FLOT2: variants seen among roughly 807,000 people sequenced by gnomAD.
The protein encoded by FLOT2 is flotillin 2.
In FLOT2, 35 loss-of-function variants were observed where a neutral mutation model predicts 54.9. That is an observed-to-expected ratio of 0.64 (90% CI 0.49 to 0.84). FLOT2 has a LOEUF of 0.84. FLOT2 is among the 40% of genes least tolerant of loss of function. The probability of loss-of-function intolerance (pLI) is 0.00; values close to 1 mark genes in which losing one functional copy is unlikely to be tolerated. For synonymous variants in FLOT2, 207 were observed against 228.9 expected, an observed-to-expected ratio of 0.90 and a Z score of 0.86; for missense variants, 464 against 572.1, an observed-to-expected ratio of 0.81 and a Z score of 1.93.
In FLOT2 at chr17:28,897,717, A is replaced by G; in HGVS notation, c.-143T>C. 1.6e-6 allele frequency: 1 copy of G among 635,510 alleles called. No individual in the cohort carries two copies. Among genetic ancestry groups the G allele is most frequent in the Non-Finnish European group, 2.2e-6 (1 of 446,428 alleles). The allele number at this position is 635,510 out of a possible 1,614,324, so 39.4% of individuals were successfully genotyped here. On this transcript the variant is annotated 5_prime_UTR_variant, in exon 1 of 11. Coordinates refer to ENST00000394908, the MANE Select transcript of FLOT2 (RefSeq NM_004475.3). The surrounding 1 kb of genome is among the most constrained non-coding windows in gnomAD (Gnocchi z 4.4). The stretch of plus-strand genomic sequence containing the variant: ...CTCGCCCGCGCCCCTCTGCGGTCGC[A>G]GCCCCGCCGGAAGTGTGGCGGCGGA...
chr17:28,882,251 G>C lies in FLOT2; in HGVS notation c.580-14C>G. ...GCACTCAGCTTCCTGGGGACAAAAG[G>C]GGCAGAAGGGGAAGGTGAGTGAGTA... On this transcript the variant is annotated splice_polypyrimidine_tract_variant and intron_variant, in intron 6 of 10. Transcript: ENST00000394908. This position sits in a 1 kb window ranked among gnomAD's most constrained non-coding sequence, Gnocchi z 5.6. 1 of 1,614,100 alleles carries C rather than the reference G, an allele frequency of 6.2e-7. No individual in the cohort carries two copies. Among genetic ancestry groups the C allele is most frequent in the Non-Finnish European group, 8.5e-7 (1 of 1,180,022 alleles).
chr17:28,893,640 T>C (rs183933218), intron 1 of FLOT2, among the ~76,000 whole-genome samples: 28 of 152,294 alleles, frequency 1.8e-4, no homozygotes, highest in Admixed American at 1.8e-3. Context: ...ACTCAGTACC[T>C]GTTTTAAGAA....
At chr17:28,896,333 A>T (rs1200540006) in intron 1 of FLOT2, among the ~76,000 whole-genome samples, 1 of 152,220 alleles carries the variant, frequency 6.6e-6, no homozygotes, top group South Asian at 2.1e-4. Flanking sequence ...AACAAAGTGC[A>T]GTGCAGATTC....
chr17:28,889,167 C>T, intron 1 of FLOT2, 141 bp from the exon 2 acceptor site: 1 of 674,022 alleles, frequency 1.5e-6, no homozygotes. Flanking sequence ...TGAGGTTACA[C>T]ATCAATGAGA....
chr17:28,881,291 C>T lies in FLOT2; in HGVS notation c.999G>A (p.Met333Ile), dbSNP rs750717970. ...GEAEAAVIEA[M>I]GKAEAERMKL... Reference sequence around the variant, plus strand: ...TCATCCGCTCAGCCTCTGCCTTGCCCATCGCCTCGATGACTGCCGCTTCCG... The same window carrying T: ...TCATCCGCTCAGCCTCTGCCTTGCCTATCGCCTCGATGACTGCCGCTTCCG... Residue 333 changes from methionine (M) to isoleucine (I), a missense_variant, in exon 9 of 11, where the codon ATG (methionine) becomes ATA (isoleucine). Physicochemically the swap from Met to Ile is conservative, Grantham distance 10. Transcript: ENST00000394908. 1.2e-6 allele frequency: 2 copies of T among 1,614,138 alleles called. No homozygotes were observed. The highest frequency in any genetic ancestry group is 1.7e-6 in the Non-Finnish European group (2 of 1,180,014).
chr17:28,895,931 A>G (rs933047817), intron 1 of FLOT2, among the ~76,000 whole-genome samples: 1 of 152,180 alleles, frequency 6.6e-6, no homozygotes, highest in African/African-American at 2.4e-5. Flanking sequence ...AGCAAGGCAG[A>G]CAGGTGGGGG....
chr17:28,879,705 G>C lies in FLOT2; in HGVS notation c.*856C>G, dbSNP rs959784567. 13 of 986,112 alleles carry C rather than the reference G, an allele frequency of 1.3e-5. No individual in the cohort carries two copies. The African/African-American group carries it at 2.3e-4, about 17-fold the overall frequency. 61.1% of individuals were successfully genotyped at this position (986,112 alleles called of 1,614,324 possible). A position where few individuals can be genotyped will look rare whatever the true frequency, so the allele number is the denominator to read the frequency against. On this transcript the variant is annotated 3_prime_UTR_variant, in exon 11 of 11. Coordinates refer to ENST00000394908, the MANE Select transcript of FLOT2 (RefSeq NM_004475.3). ...TCCACCAGAAGGGCCCAACACCCAG[G>C]ACAGTGCAGCCCTAGCAGGAAGAAG...
In FLOT2 at chr17:28,882,123, T is replaced by C; in HGVS notation, c.694A>G (p.Ile232Val). ...QKSAFSEEVN[I>V]KTAEAQLAYE... ...GATGTCCTCAGGCTGCTCACCTTGA[T>C]GTTAACCTCCTCACTGAAGGCTGAC... The change falls in exon 7 of 11, where the codon ATC becomes GTC. Residue 232 changes from isoleucine (I) to valine (V), a missense_variant. Transcript: ENST00000394908. This position sits in a 1 kb window ranked among gnomAD's most constrained non-coding sequence, Gnocchi z 5.6. 6.2e-7 allele frequency: 1 copy of C among 1,614,202 alleles called. No homozygotes were observed. The highest frequency in any genetic ancestry group is 8.5e-7 in the Non-Finnish European group (1 of 1,180,030).
chr17:28,897,434 G>A lies in FLOT2; in HGVS notation c.49+92C>T. The A allele has an allele frequency of 7.9e-7, 1 of 1,260,986 alleles. No homozygotes were observed. Among genetic ancestry groups the A allele is most frequent in the Non-Finnish European group, 1.1e-6 (1 of 912,690 alleles). The allele number at this position is 1,260,986 out of a possible 1,614,324, so 78.1% of individuals were successfully genotyped here. A position where few individuals can be genotyped will look rare whatever the true frequency, so the allele number is the denominator to read the frequency against. ...GGCCAGCGCCCTGCGCCGCGCGGTGGACTCAGGCCCAGCTCTTCCCCGTGC... is the reference window on the plus strand; with the variant it reads ...GGCCAGCGCCCTGCGCCGCGCGGTGAACTCAGGCCCAGCTCTTCCCCGTGC... On this transcript the variant is annotated intron_variant, in intron 1 of 10. Transcript: ENST00000394908. This position sits in a 1 kb window ranked among gnomAD's most constrained non-coding sequence, Gnocchi z 4.4.
rs2039493479 is a variant in FLOT2 at position 28,883,603 on chromosome 17, G to A, written c.223-372C>T. 6.6e-6 allele frequency among the ~76,000 whole-genome samples: 1 copy of A among 152,174 alleles called. No individual in the cohort carries two copies. The highest frequency in any genetic ancestry group is 1.5e-5 in the Non-Finnish European group (1 of 68,032). ...AGTATGAGAAGCAGAATGAGCAATA[G>A]GGACACAGACAGAGAAGGAAAGAGC... On this transcript the variant is annotated intron_variant, in intron 3 of 10. Transcript: ENST00000394908. This position sits in a 1 kb window ranked among gnomAD's most constrained non-coding sequence, Gnocchi z 5.0.
Position 28,883,359 on chromosome 17 carries a change from G to A in FLOT2, c.223-128C>T. ...TTTTTCAGACCTGGAGGCCCTGGGG[G>A]GCTGGAATCTGTCTGAAGCCTCTAG... On this transcript the variant is annotated intron_variant, in intron 3 of 10. Coordinates refer to ENST00000394908, the MANE Select transcript of FLOT2 (RefSeq NM_004475.3). The surrounding 1 kb of genome is among the most constrained non-coding windows in gnomAD (Gnocchi z 5.0). The A allele has an allele frequency of 3.4e-6, 4 of 1,171,408 alleles. No individual in the cohort carries two copies. The South Asian group carries it at 5.5e-5, about 16-fold the overall frequency. 72.6% of individuals were successfully genotyped at this position (1,171,408 alleles called of 1,614,324 possible).
At position 28,897,679 on chromosome 17, in the gene FLOT2, G is replaced by C. The variant is rs565522463; in HGVS notation, c.-105C>G. The C allele has an allele frequency of 4.7e-6, 5 of 1,061,050 alleles. No individual in the cohort carries two copies. The highest frequency in any genetic ancestry group is 7.6e-5 in the South Asian group (2 of 26,230). The allele number at this position is 1,061,050 out of a possible 1,614,324, so 65.7% of individuals were successfully genotyped here. The stretch of plus-strand genomic sequence containing the variant: ...GCCTATCCCGCCACCCCCAGCGGCC[G>C]GCCGCCCGCTCGCTCGCCCGCGCCC... On this transcript the variant is annotated 5_prime_UTR_variant, in exon 1 of 11. Coordinates refer to ENST00000394908, the MANE Select transcript of FLOT2 (RefSeq NM_004475.3). This position sits in a 1 kb window ranked among gnomAD's most constrained non-coding sequence, Gnocchi z 4.4.
Position 28,879,369 on chromosome 17 carries a change from A to T in FLOT2, c.*1192T>A. 1 of 988,152 alleles carries T rather than the reference A, an allele frequency of 1.0e-6. No homozygotes were observed. Among genetic ancestry groups the T allele is most frequent in the Non-Finnish European group, 1.2e-6 (1 of 830,194 alleles). 61.2% of individuals were successfully genotyped at this position (988,152 alleles called of 1,614,324 possible). ...ATTAAGAGTTCTTTATTTTACCAGAAGGGACAGGCAGTGGGGCAGTGCAAC... is the reference window on the plus strand; with the variant it reads ...ATTAAGAGTTCTTTATTTTACCAGATGGGACAGGCAGTGGGGCAGTGCAAC... On this transcript the variant is annotated 3_prime_UTR_variant, in exon 11 of 11. Transcript: ENST00000394908.
Position 28,886,140 on chromosome 17 carries a change from CTGA to C in FLOT2, c.132-1828_132-1826del, listed in dbSNP as rs2039542908. 6 of 624,584 alleles carry C rather than the reference CTGA, an allele frequency of 9.6e-6. No homozygotes were observed. The East Asian group carries it at 1.6e-4, about 17-fold the overall frequency. The allele number at this position is 624,584 out of a possible 1,614,324, so 38.7% of individuals were successfully genotyped here. A position where few individuals can be genotyped will look rare whatever the true frequency, so the allele number is the denominator to read the frequency against. ...TGCAGGACAGCAGCGACCTCCTGTG[CTGA>C]TCCGAGGCCTCTGGGTCTCTTCTCT... On this transcript the variant is annotated intron_variant, in intron 2 of 10. Coordinates refer to ENST00000394908, the MANE Select transcript of FLOT2 (RefSeq NM_004475.3).
chr17:28,897,545 GT>G lies in FLOT2; in HGVS notation c.29del (p.Asn10ThrfsTer38). ...CCTCACCTGAAACCACCAGCGCCTC[GT>G]TGGGCCCCACCGTGTGGCAATTGCC... MGNCHTVGP[N>X]EALVVSGGCC... On this transcript the variant is annotated frameshift_variant, in exon 1 of 11. Transcript: ENST00000394908. LOFTEE classifies it high-confidence loss of function. This position sits in a 1 kb window ranked among gnomAD's most constrained non-coding sequence, Gnocchi z 4.4. 1.2e-6 allele frequency: 2 copies of G among 1,605,800 alleles called. No individual in the cohort carries two copies. The highest frequency in any genetic ancestry group is 1.7e-6 in the Non-Finnish European group (2 of 1,176,576).
chr17:28,883,236 C>T lies in FLOT2; in HGVS notation c.223-5G>A, dbSNP rs781153715. 19 of 1,613,932 alleles carry T rather than the reference C, an allele frequency of 1.2e-5. No homozygotes were observed. Among genetic ancestry groups the T allele is most frequent in the Non-Finnish European group, 1.6e-5 (19 of 1,179,992 alleles). On this transcript the variant is annotated splice_region_variant and splice_polypyrimidine_tract_variant and intron_variant, in intron 3 of 10. Transcript: ENST00000394908. This position sits in a 1 kb window ranked among gnomAD's most constrained non-coding sequence, Gnocchi z 5.0. ...CTTCTCCGTCATGATCTTCACCTGTCAGTGACGACAAAGGCGCTTCAGCTA... is the reference window on the plus strand; with the variant it reads ...CTTCTCCGTCATGATCTTCACCTGTTAGTGACGACAAAGGCGCTTCAGCTA...
At position 28,882,965 on chromosome 17, in the gene FLOT2, C is replaced by T. The variant is rs560438014; in HGVS notation, c.346+143G>A. ...ATACCCTCTCCTTAACTCAAGTCAC[C>T]TGAAGTTTTGAAATTAAATATTTGA... On this transcript the variant is annotated intron_variant, in intron 4 of 10. Transcript: ENST00000394908. This position sits in a 1 kb window ranked among gnomAD's most constrained non-coding sequence, Gnocchi z 5.6. The T allele has an allele frequency of 1.1e-6, 1 of 904,408 alleles. No homozygotes were observed. Among genetic ancestry groups the T allele is most frequent in the South Asian group, 1.7e-5 (1 of 59,246 alleles). The allele number at this position is 904,408 out of a possible 1,614,324, so 56.0% of individuals were successfully genotyped here.
At chr17:28,895,710 C>T (rs1021044486) in intron 1 of FLOT2, among the ~76,000 whole-genome samples, 2 of 152,104 alleles carry the variant, frequency 1.3e-5, no homozygotes, top group Admixed American at 6.6e-5. Flanking sequence ...TTTTCTCCCC[C>T]CTTATCCCCA....
intron 2 of FLOT2, among the ~76,000 whole-genome samples, chr17:28,888,010 T>G (rs1169716463): frequency 6.6e-6 from 1 of 152,164 alleles, no homozygotes; most frequent in East Asian, 1.9e-4. Flanking sequence ...GGTGCAGACG[T>G]GAGCTGCTGA....
Sources: gnomAD v4.1 joint callset for allele counts (sites outside exome capture counted in the v4.1 genomes callset) on GRCh38, gnomAD v4.1.1 for gene constraint, Gnocchi (gnomAD v3.1) non-coding constraint, MANE v1.5 for transcripts, NCBI Gene and HGNC (gene_info 2026-07-23, HGNC 2026-07-21) for gene names.